The following CDK14 variants were observed in gnomAD, a reference collection of about 807,000 sequenced individuals.
CDK14 encodes cyclin-dependent kinase 14.
Under a neutral mutation model 60.7 loss-of-function variants are expected in CDK14, and 34 were observed. The ratio of observed to expected loss-of-function variants is 0.56; its 90% CI spans 0.43 to 0.75. The LOEUF is 0.75. CDK14 is among the 30% of genes least tolerant of loss of function. The pLI is 0.00. For synonymous variants in CDK14, 197 were observed against 203.7 expected, an observed-to-expected ratio of 0.97 and a Z score of 0.28; for missense variants, 482 against 564.1, an observed-to-expected ratio of 0.85 and a Z score of 1.47.
At chr7:90,773,456 T>C (rs984768773) in intron 4 of CDK14, among the ~76,000 whole-genome samples, 6 of 152,258 alleles carry the variant, frequency 3.9e-5, no homozygotes, top group Non-Finnish European at 7.3e-5. Flanking sequence ...AATAAAGTCC[T>C]TGGCCCAGGG....
rs535480741 is a variant in CDK14 at position 90,979,929 on chromosome 7, T to A, written c.948-4219T>A. On this transcript the variant is annotated intron_variant, in intron 9 of 14. Transcript: ENST00000380050. ...AAATTTTGTGATTGCTTTTGACTGA[T>A]TTGCTCATTTTAAATGCACTTCTAT... is the stretch of plus-strand genomic sequence containing the variant. 2.0e-5 allele frequency: 3 copies of A among 151,666 alleles called. No homozygotes were observed. The South Asian group carries it at 6.3e-4, about 32-fold the overall frequency. The allele number at this position is 151,666 out of a possible 1,614,324, so 9.4% of individuals were successfully genotyped here. A position where few individuals can be genotyped will look rare whatever the true frequency, so the allele number is the denominator to read the frequency against.
intron 5 of CDK14, among the ~76,000 whole-genome samples, chr7:90,803,445 A>G (rs921022793): frequency 6.6e-6 from 1 of 152,150 alleles, no homozygotes; most frequent in African/African-American, 2.4e-5. Flanking sequence ...GGGACTTAAG[A>G]GGGACACTTG....
chr7:90,998,664 G>A (rs1196315786), intron 10 of CDK14, among the ~76,000 whole-genome samples: 3 of 152,046 alleles, frequency 2.0e-5, no homozygotes, highest in Non-Finnish European at 4.4e-5. Context: ...CCAGGTGGGC[G>A]GATCACGAAG....
chr7:91,130,429 T>G (rs976796799), intron 14 of CDK14, among the ~76,000 whole-genome samples: 1 of 152,166 alleles, frequency 6.6e-6, no homozygotes. Flanking sequence ...GCAAAAGTTC[T>G]TAGGGGGTTC....
At chr7:90,985,636 A>G (rs1482584849) in intron 10 of CDK14, among the ~76,000 whole-genome samples, 2 of 152,178 alleles carry the variant, frequency 1.3e-5, no homozygotes, top group Non-Finnish European at 2.9e-5. Flanking sequence ...CTGAGGCCCC[A>G]TCACTATTGT....
At chr7:90,773,843 CCTCCTCTCCT>C (rs530779137) in intron 4 of CDK14, among the ~76,000 whole-genome samples, 5,038 of 78,650 alleles carry the variant, frequency 0.064, 305 homozygotes, top group African/African-American at 0.13. Context: ...TCTTCTCTTC[CCTCCTCTCCT>C]CTCCTCTCCT....
At chr7:91,006,410 T>C (rs899058389) in intron 10 of CDK14, among the ~76,000 whole-genome samples, 1 of 152,242 alleles carries the variant, frequency 6.6e-6, no homozygotes, top group Non-Finnish European at 1.5e-5. Flanking sequence ...CATTTTCTTT[T>C]TTCAGAAAAC....
At position 90,596,671 on chromosome 7, in the gene CDK14, A is replaced by G. The variant is rs753068640; in HGVS notation, c.44A>G (p.Lys15Arg). 102 of 1,612,168 alleles carry G rather than the reference A, an allele frequency of 6.3e-5. No individual in the cohort carries two copies. The highest frequency in any genetic ancestry group is 8.3e-5 in the Non-Finnish European group (98 of 1,179,424). The change falls in exon 1 of 15, where the codon AAG (lysine) becomes AGG (arginine). Residue 15 changes from lysine (K) to arginine (R), a missense_variant. Lys to Arg is a conservative substitution (Grantham distance 26). Coordinates refer to ENST00000380050, the MANE Select transcript of CDK14 (RefSeq NM_001287135.2). ...IEPQPAEKIG[K>R]MKKLRRTLSE... ...CCGCAGCCGGCCGAGAAGATCGGCA[A>G]GATGAAGAAGTTGCGGAGAACTTTG...
chr7:90,827,101 A>G (rs1562788716), intron 5 of CDK14, among the ~76,000 whole-genome samples: 1 of 147,948 alleles, frequency 6.8e-6, no homozygotes, highest in Non-Finnish European at 1.5e-5. Context: ...TCTTCCATCT[A>G]CTTACACCCT....
intron 5 of CDK14, among the ~76,000 whole-genome samples, chr7:90,834,481 C>A (rs911951918): frequency 6.6e-6 from 1 of 152,096 alleles, no homozygotes; most frequent in Non-Finnish European, 1.5e-5. Context: ...TTTATTAGGA[C>A]TGTAATGGGA....
intron 11 of CDK14, among the ~76,000 whole-genome samples, chr7:91,054,449 C>T (rs1382641578): frequency 6.6e-6 from 1 of 152,088 alleles, no homozygotes; most frequent in East Asian, 1.9e-4. Context: ...CTGCTTTAAT[C>T]ACATAGTGAA....
intron 6 of CDK14, among the ~76,000 whole-genome samples, chr7:90,869,409 A>T (rs1474672757): frequency 6.6e-6 from 1 of 152,236 alleles, no homozygotes; most frequent in Non-Finnish European, 1.5e-5. Context: ...GGAGCTAGCA[A>T]GGATGACAAT....
chr7:91,047,203 C>G (rs187061863), intron 11 of CDK14, among the ~76,000 whole-genome samples: 4 of 152,222 alleles, frequency 2.6e-5, no homozygotes, highest in African/African-American at 9.6e-5. Context: ...AGGTTAACTT[C>G]CCTGTGTTAG....
intron 5 of CDK14, among the ~76,000 whole-genome samples, chr7:90,829,464 CA>C (rs1789837823): frequency 6.6e-6 from 1 of 152,138 alleles, no homozygotes; most frequent in Non-Finnish European, 1.5e-5. Context: ...CCCATTCTAA[CA>C]GGGAGAAATT....
chr7:90,732,312 G>A (rs748943980), intron 3 of CDK14, among the ~76,000 whole-genome samples: 1 of 151,776 alleles, frequency 6.6e-6, no homozygotes, highest in African/African-American at 2.4e-5. Context: ...TTTTTTTGTT[G>A]TGTCTCTGCC....
chr7:90,644,939 C>T (rs1800426929), intron 2 of CDK14, among the ~76,000 whole-genome samples: 1 of 152,118 alleles, frequency 6.6e-6, no homozygotes, highest in Non-Finnish European at 1.5e-5. Context: ...AAAGATTAGA[C>T]AAAACCTTAA....
intron 9 of CDK14, among the ~76,000 whole-genome samples, chr7:90,980,784 A>G (rs1251565816): frequency 1.3e-5 from 2 of 152,202 alleles, no homozygotes; most frequent in East Asian, 3.8e-4. Flanking sequence ...AGCTAAGCAG[A>G]TAAGAGCTTA....
chr7:91,022,465 A>G (rs1270827095), intron 10 of CDK14, among the ~76,000 whole-genome samples: 1 of 152,188 alleles, frequency 6.6e-6, no homozygotes, highest in Non-Finnish European at 1.5e-5. Context: ...TATTTTACGT[A>G]TTTATTTACT....
intron 6 of CDK14, among the ~76,000 whole-genome samples, chr7:90,872,505 ACTT>A (rs1322983922): frequency 6.6e-6 from 1 of 152,140 alleles, no homozygotes. Context: ...TCTCTTAGGA[ACTT>A]CTCATTTTCT....
Sources: allele counts gnomAD v4.1 joint callset (sites outside exome capture counted in the v4.1 genomes callset), GRCh38; gene constraint gnomAD v4.1.1; transcripts MANE v1.5; gene names NCBI Gene and HGNC (gene_info 2026-07-23, HGNC 2026-07-21).